Variants in CA10 observed in about 807,000 individuals in gnomAD.
The protein encoded by CA10 is carbonic anhydrase 10 (inactive), also known as carbonic anhydrase-related protein 10.
Under a neutral mutation model 44.2 loss-of-function variants are expected in CA10, and 14 were observed. The ratio of observed to expected loss-of-function variants is 0.32; its 90% CI spans 0.21 to 0.50. The LOEUF (loss-of-function observed/expected upper bound fraction) is 0.50. Among genes scored for constraint, CA10 ranks in the 20% least tolerant of loss-of-function variants. CA10 has a pLI of 0.99. For missense variants in CA10, 350 were observed against 409.7 expected (o/e 0.85, Z 1.26); for synonymous variants, 159 against 141.6 (o/e 1.12, Z -0.87).
At chr17:51,732,760 C>T (rs183875344) in intron 4 of CA10, among the ~76,000 whole-genome samples, 61 of 152,292 alleles carry the variant, frequency 4.0e-4, no homozygotes, top group African/African-American at 1.4e-3. Context: ...AGCCAGACAG[C>T]TAGTCAGTAC....
intron 4 of CA10, among the ~76,000 whole-genome samples, chr17:51,704,295 C>T (rs927471243): frequency 1.3e-5 from 2 of 152,130 alleles, no homozygotes; most frequent in African/African-American, 4.8e-5. Flanking sequence ...TATGACATAA[C>T]CAATACTTTG....
At chr17:52,058,502 CCTT>C (rs1457983441) in intron 2 of CA10, among the ~76,000 whole-genome samples, 5 of 152,060 alleles carry the variant, frequency 3.3e-5, no homozygotes, top group Admixed American at 2.6e-4. Context: ...CAAAGCATGA[CCTT>C]CTAAGTCCAG....
At chr17:51,845,941 C>T (rs891741389) in intron 3 of CA10, among the ~76,000 whole-genome samples, 13 of 152,192 alleles carry the variant, frequency 8.5e-5, no homozygotes, top group African/African-American at 3.1e-4. Flanking sequence ...GGCATTCTAC[C>T]CAGTAAGCTT....
chr17:51,891,641 T>C (rs775195103), intron 3 of CA10, among the ~76,000 whole-genome samples: 1 of 152,214 alleles, frequency 6.6e-6, no homozygotes, highest in Non-Finnish European at 1.5e-5. Flanking sequence ...GTGGTTTACA[T>C]GAGAAAGCAG....
At chr17:51,679,875 A>G (rs1296363106) in intron 4 of CA10, among the ~76,000 whole-genome samples, 2 of 152,206 alleles carry the variant, frequency 1.3e-5, no homozygotes, top group East Asian at 3.8e-4. Flanking sequence ...TGGTTGGGAA[A>G]AAACTCAAAC....
At chr17:51,637,542 G>A (rs557894393) in intron 6 of CA10, among the ~76,000 whole-genome samples, 5 of 152,278 alleles carry the variant, frequency 3.3e-5, no homozygotes, top group East Asian at 3.9e-4. Context: ...ATGTTCTCTC[G>A]TCCATGTGTC....
chr17:51,765,994 C>G (rs1296867278), intron 3 of CA10, among the ~76,000 whole-genome samples: 2 of 152,060 alleles, frequency 1.3e-5, no homozygotes, highest in African/African-American at 4.8e-5. Flanking sequence ...GTGAAACAAA[C>G]AGATGCAATT....
chr17:51,828,114 T>C (rs749329864), intron 3 of CA10, among the ~76,000 whole-genome samples: 9 of 152,192 alleles, frequency 5.9e-5, no homozygotes, highest in Non-Finnish European at 8.8e-5. Flanking sequence ...ACAAAGTCAC[T>C]GAGATTGTAG....
chr17:52,082,793 A>G (rs1988018194), intron 1 of CA10, among the ~76,000 whole-genome samples: 1 of 152,202 alleles, frequency 6.6e-6, no homozygotes, highest in Admixed American at 6.5e-5. Context: ...AGGCAACTTA[A>G]GAAGCATCAT....
At chr17:51,766,927 G>A (rs1435377850) in intron 3 of CA10, among the ~76,000 whole-genome samples, 2 of 151,738 alleles carry the variant, frequency 1.3e-5, no homozygotes, top group Non-Finnish European at 2.9e-5. Context: ...GCAATGACTG[G>A]CAATGCCCGT....
At chr17:51,822,414 CAAA>C (rs1181665395) in intron 3 of CA10, among the ~76,000 whole-genome samples, 1 of 134,202 alleles carries the variant, frequency 7.5e-6, no homozygotes, top group African/African-American at 3.0e-5. Context: ...GACTTTGTCT[CAAA>C]AAAACAAAAC....
chr17:52,018,593 G>A (rs2144148794), intron 2 of CA10, among the ~76,000 whole-genome samples: 1 of 152,216 alleles, frequency 6.6e-6, no homozygotes. Context: ...TTATATCTAG[G>A]AAATAAATAA....
chr17:51,881,589 C>T (rs73989441), intron 3 of CA10, among the ~76,000 whole-genome samples: 9,623 of 150,726 alleles, frequency 0.064, 594 homozygotes, highest in African/African-American at 0.16. Flanking sequence ...AAAAGACAGC[C>T]TATCTGATAG....
intron 4 of CA10, among the ~76,000 whole-genome samples, chr17:51,708,542 C>T (rs866655971): frequency 1.3e-5 from 2 of 152,190 alleles, no homozygotes; most frequent in East Asian, 1.9e-4. Context: ...AAAATACCAA[C>T]TTGGACTCTG....
chr17:51,981,783 CA>C (rs1984662770), intron 2 of CA10, among the ~76,000 whole-genome samples: 1 of 151,986 alleles, frequency 6.6e-6, no homozygotes, highest in South Asian at 2.1e-4. Flanking sequence ...GGATGTACAA[CA>C]AATGATAATC....
At chr17:51,636,089 CAT>C (rs112109732) in intron 6 of CA10, 80 bp from the exon 7 acceptor site, 4 of 495,528 alleles carry the variant, frequency 8.1e-6, no homozygotes, top group African/African-American at 2.1e-5. Flanking sequence ...TACATACATA[CAT>C]ATACATATAC....
At chr17:51,902,010 A>G (rs1309196503) in intron 3 of CA10, among the ~76,000 whole-genome samples, 1 of 152,152 alleles carries the variant, frequency 6.6e-6, no homozygotes, top group Non-Finnish European at 1.5e-5. Context: ...TAGTACTAAT[A>G]GCTGCTGGTT....
In CA10 at chr17:51,653,699, T is replaced by C; in HGVS notation, c.503A>G (p.Asn168Ser). The C allele has an allele frequency of 6.2e-7, 1 of 1,611,532 alleles. No homozygotes were observed. ...LIHYNHELYT[N>S]VTEAAKSPNG... is the part of the protein sequence containing the mutation. ...TGGACTCTTTGCAGCTTCTGTGACATTCGTATATAGCTCATGGTTATAGTG... is the reference window on the plus strand; with the variant it reads ...TGGACTCTTTGCAGCTTCTGTGACACTCGTATATAGCTCATGGTTATAGTG... The change falls in exon 5 of 9, where the codon AAT becomes AGT. Residue 168 changes from asparagine (N) to serine (S), a missense_variant. Coordinates refer to ENST00000451037, the MANE Select transcript of CA10 (RefSeq NM_020178.5).
rs373704285 is a variant in CA10 at position 52,157,161 on chromosome 17, TG to T, written c.61+564del. On this transcript the variant is annotated intron_variant, in intron 1 of 8. Transcript: ENST00000451037. ...CACTGTAGTGCTTTAACAAGAAAAT[TG>T]GGGGGGTAGAGGAGGGTGTGTCAGC... Among the ~76,000 whole-genome samples the T allele has an allele frequency of 7.4e-4, 112 of 152,008 alleles. 1 individual carries two copies. The East Asian group carries it at 0.016, about 22-fold the overall frequency.
Sources: allele counts gnomAD v4.1 joint callset (sites outside exome capture counted in the v4.1 genomes callset), GRCh38; gene constraint gnomAD v4.1.1; transcripts MANE v1.5; gene names NCBI Gene and HGNC (gene_info 2026-07-23, HGNC 2026-07-21).